Variants in ETV6 observed in about 807,000 individuals in gnomAD.
ETV6 encodes transcription factor ETV6.
Under a neutral mutation model 51.1 loss-of-function variants are expected in ETV6, and 16 were observed. The ratio of observed to expected loss-of-function variants is 0.31; its 90% CI spans 0.21 to 0.48. The LOEUF (loss-of-function observed/expected upper bound fraction) is 0.48. Among genes scored for constraint, ETV6 ranks in the 20% least tolerant of loss-of-function variants. The pLI is 0.99. For missense variants in ETV6, 458 were observed against 594.8 expected (o/e 0.77, Z 2.39); for synonymous variants, 240 against 224.1 (o/e 1.07, Z -0.64).
chr12:11,743,127 T>C (rs1418881817), intron 1 of ETV6, among the ~76,000 whole-genome samples: 1 of 152,166 alleles, frequency 6.6e-6, no homozygotes, highest in Non-Finnish European at 1.5e-5. Flanking sequence ...TTTGAGATAA[T>C]ACCGTGTGAC....
chr12:11,733,407 CAAAAAAAA>C (rs11394100), intron 1 of ETV6, among the ~76,000 whole-genome samples: 2 of 101,078 alleles, frequency 2.0e-5, no homozygotes, highest in Non-Finnish European at 3.7e-5. Flanking sequence ...GACTCCATCT[CAAAAAAAA>C]AAAAAAAAAA....
chr12:11,880,127 A>G (rs1398375806), intron 5 of ETV6, among the ~76,000 whole-genome samples: 1 of 152,156 alleles, frequency 6.6e-6, no homozygotes, highest in Non-Finnish European at 1.5e-5. Flanking sequence ...AAACAAAACA[A>G]TCAATAATGT....
Position 11,670,360 on chromosome 12 carries a change from T to G in ETV6, c.33+20200T>G, listed in dbSNP as rs912933944. Among the ~76,000 whole-genome samples, 3 of 152,250 alleles carry G rather than the reference T, an allele frequency of 2.0e-5. No homozygotes were observed. The East Asian group carries it at 5.8e-4, about 29-fold the overall frequency. On this transcript the variant is annotated intron_variant, in intron 1 of 7. Transcript: ENST00000396373. ...TAAGTGATATGAGTCTTACTTCGTT[T>G]GGGTAAGAAACTCAGTTTGAGGCTA...
At chr12:11,842,894 A>G (rs1439630756) in intron 3 of ETV6, among the ~76,000 whole-genome samples, 1 of 124,858 alleles carries the variant, frequency 8.0e-6, no homozygotes, top group African/African-American at 3.8e-5. Context: ...ACTTGGAAGT[A>G]GTGGTTAGAG....
At chr12:11,717,034 G>A (rs891170297) in intron 1 of ETV6, among the ~76,000 whole-genome samples, 2 of 152,188 alleles carry the variant, frequency 1.3e-5, no homozygotes, top group East Asian at 1.9e-4. Context: ...GCAGGCAGGC[G>A]ATGCTGAGGT....
chr12:11,833,488 C>A (rs1946273397), intron 2 of ETV6, among the ~76,000 whole-genome samples: 1 of 152,138 alleles, frequency 6.6e-6, no homozygotes, highest in Non-Finnish European at 1.5e-5. Flanking sequence ...AAAATTTAGT[C>A]ATAAATTTAA....
At chr12:11,713,810 A>G (rs1865218561) in intron 1 of ETV6, among the ~76,000 whole-genome samples, 2 of 151,932 alleles carry the variant, frequency 1.3e-5, no homozygotes, top group African/African-American at 4.9e-5. Flanking sequence ...CTGGGAGTTT[A>G]AAAAAATCCT....
rs1002604107 is a variant in ETV6, at chr12:11,893,191, A to C, written c.*2145A>C. On this transcript the variant is annotated 3_prime_UTR_variant, in exon 8 of 8. Coordinates refer to ENST00000396373, the MANE Select transcript of ETV6 (RefSeq NM_001987.5). ...ATGCAGAGATTAAGCCAAATACCTGATGTATTGTGAAAGCCACTGATTTTA... is the reference window on the plus strand; with the variant it reads ...ATGCAGAGATTAAGCCAAATACCTGCTGTATTGTGAAAGCCACTGATTTTA... 2 of 232,602 alleles carry C rather than the reference A, an allele frequency of 8.6e-6. No homozygotes were observed. The highest frequency in any genetic ancestry group is 1.7e-5 in the Non-Finnish European group (2 of 117,768). The allele number at this position is 232,602 out of a possible 1,614,324, so 14.4% of individuals were successfully genotyped here. A position where few individuals can be genotyped will look rare whatever the true frequency, so the allele number is the denominator to read the frequency against.
At chr12:11,778,774 A>G (rs918103857) in intron 2 of ETV6, among the ~76,000 whole-genome samples, 3 of 152,250 alleles carry the variant, frequency 2.0e-5, no homozygotes, top group Admixed American at 6.5e-5. Context: ...CATGGTTTAT[A>G]TAAAAGCTAA....
chr12:11,858,314 T>A (rs1477165918), intron 4 of ETV6, among the ~76,000 whole-genome samples: 1 of 152,034 alleles, frequency 6.6e-6, no homozygotes, highest in Non-Finnish European at 1.5e-5. Context: ...TAAAATAAAT[T>A]TATTTTGTCA....
At chr12:11,724,115 A>G (rs1337508928) in intron 1 of ETV6, among the ~76,000 whole-genome samples, 1 of 152,130 alleles carries the variant, frequency 6.6e-6, no homozygotes, top group Non-Finnish European at 1.5e-5. Flanking sequence ...CTGCCCAGTT[A>G]CAGTTGGTTT....
intron 4 of ETV6, among the ~76,000 whole-genome samples, chr12:11,866,426 G>A (rs1254161667): frequency 6.6e-6 from 1 of 152,096 alleles, no homozygotes; most frequent in African/African-American, 2.4e-5. Flanking sequence ...CTAGAAAATT[G>A]TGACTGGATG....
chr12:11,717,027 G>A (rs1591628831), intron 1 of ETV6, among the ~76,000 whole-genome samples: 1 of 152,192 alleles, frequency 6.6e-6, no homozygotes, highest in East Asian at 1.9e-4. Context: ...TATTTCAGCA[G>A]GCAGGCGATG....
intron 1 of ETV6, among the ~76,000 whole-genome samples, chr12:11,678,621 A>G (rs752547245): frequency 6.6e-6 from 1 of 152,206 alleles, no homozygotes; most frequent in Non-Finnish European, 1.5e-5. Context: ...CTCCAGAGAA[A>G]CAGAACCACA....
chr12:11,848,782 C>T (rs532139777), intron 3 of ETV6, among the ~76,000 whole-genome samples: 13 of 152,298 alleles, frequency 8.5e-5, no homozygotes, highest in South Asian at 2.1e-4. Context: ...TCTGCACATG[C>T]GTGTGTTTAC....
At chr12:11,683,711 C>G (rs1864575949) in intron 1 of ETV6, among the ~76,000 whole-genome samples, 2 of 152,168 alleles carry the variant, frequency 1.3e-5, no homozygotes, top group Non-Finnish European at 1.5e-5. Context: ...TGAGAGCAAA[C>G]TTTGAGCCTG....
chr12:11,746,347 CG>C (rs1259732612), intron 1 of ETV6, among the ~76,000 whole-genome samples: 1 of 152,208 alleles, frequency 6.6e-6, no homozygotes, highest in African/African-American at 2.4e-5. Flanking sequence ...ACTGGAACTG[CG>C]GTTTTCAAGT....
At chr12:11,740,698 T>TA (rs1010370185) in intron 1 of ETV6, among the ~76,000 whole-genome samples, 1 of 152,208 alleles carries the variant, frequency 6.6e-6, no homozygotes, top group African/African-American at 2.4e-5. Flanking sequence ...CAGAGGCTTT[T>TA]AAAAAAAAAT....
chr12:11,869,908 C>A lies in ETV6; in HGVS notation c.948C>A (p.Asn316Lys). 1 of 1,612,208 alleles carries A rather than the reference C, an allele frequency of 6.2e-7. No homozygotes were observed. The highest frequency in any genetic ancestry group is 1.1e-5 in the South Asian group (1 of 91,086). The change falls in exon 5 of 8, where the codon AAC becomes AAA. Residue 316 changes from asparagine to lysine, a missense_variant. Physicochemically the swap from Asn to Lys is moderately conservative, Grantham distance 94. This residue lies in a region of ETV6 where 293 missense variants were observed against 315.7 expected (regional missense o/e 0.93). Coordinates refer to ENST00000396373, the MANE Select transcript of ETV6 (RefSeq NM_001987.5). This position sits in a 1 kb window ranked among gnomAD's most constrained non-coding sequence, Gnocchi z 5.0. ...LSHREDLAYM[N>K]HIMVSVSPPE... is the part of the protein sequence containing the mutation. ...ATCGGGAAGACCTGGCTTACATGAA[C>A]CACATCATGGTCTCTGTCTCCCCGC...
Sources: gnomAD v4.1 joint callset for allele counts (sites outside exome capture counted in the v4.1 genomes callset) on GRCh38, gnomAD v4.1.1 for gene constraint, gnomAD v4.1.1 regional missense constraint, Gnocchi (gnomAD v3.1) non-coding constraint, MANE v1.5 for transcripts, NCBI Gene and HGNC (gene_info 2026-07-23, HGNC 2026-07-21) for gene names.